RBMS3: variants seen among roughly 807,000 people sequenced by gnomAD.
RBMS3 encodes RNA-binding motif, single-stranded-interacting protein 3.
A neutral mutation model predicts 66.8 loss-of-function variants in RBMS3; 27 were observed. The observed-to-expected ratio is 0.40, with a 90% CI of 0.30 to 0.56. The LOEUF is 0.56. Among genes scored for constraint, RBMS3 ranks in the 20% least tolerant of loss-of-function variants. The pLI, the probability that RBMS3 is intolerant of heterozygous loss-of-function variation, is 0.40. For missense variants in RBMS3, 513 were observed against 549.5 expected, an observed-to-expected ratio of 0.93 and a Z score of 0.66; for synonymous variants, 188 against 183.0, an observed-to-expected ratio of 1.03 and a Z score of -0.22.
chr3:29,562,847 A>G (rs981402553), intron 3 of RBMS3, among the ~76,000 whole-genome samples: 3 of 152,300 alleles, frequency 2.0e-5, no homozygotes, highest in Admixed American at 1.3e-4. Flanking sequence ...AGGCAAAATT[A>G]TTGTGTGTTA....
At chr3:29,399,219 G>GTA (rs2039693849) in intron 1 of RBMS3, among the ~76,000 whole-genome samples, 1 of 145,728 alleles carries the variant, frequency 6.9e-6, no homozygotes, top group African/African-American at 2.6e-5. Flanking sequence ...GTGTGTGTGT[G>GTA]TGTATATATA....
intron 10 of RBMS3, among the ~76,000 whole-genome samples, chr3:29,917,557 A>G (rs763008130): frequency 8.5e-5 from 13 of 152,052 alleles, no homozygotes; most frequent in Non-Finnish European, 1.9e-4. Context: ...AAGAAATTAA[A>G]CTGGCCATAC....
chr3:29,650,082 C>T (rs2050087085), intron 4 of RBMS3, among the ~76,000 whole-genome samples: 1 of 152,110 alleles, frequency 6.6e-6, no homozygotes, highest in Non-Finnish European at 1.5e-5. Context: ...GAGTGGTTTA[C>T]ATTGTGTTTA....
At chr3:29,933,157 C>A (rs1310755380) in intron 10 of RBMS3, among the ~76,000 whole-genome samples, 1 of 152,164 alleles carries the variant, frequency 6.6e-6, no homozygotes, top group Non-Finnish European at 1.5e-5. Context: ...CAAAATTATG[C>A]TTAATGTGTT....
At chr3:29,310,471 T>A (rs2034304365) in intron 1 of RBMS3, among the ~76,000 whole-genome samples, 1 of 151,650 alleles carries the variant, frequency 6.6e-6, no homozygotes, top group South Asian at 2.1e-4. Context: ...ACTGAAACAC[T>A]TAAATACACT....
rs1475799178 is a variant in RBMS3 at position 30,009,022 on chromosome 3, C to CTGTT, written c.*5162_*5165dup. ...GATGAATGGCTTTCAATATTCATTT[C>CTGTT]TGTTTATTTTTGTGAGGGAAAATAA... On this transcript the variant is annotated 3_prime_UTR_variant, in exon 15 of 15. Coordinates refer to ENST00000383767, the MANE Select transcript of RBMS3 (RefSeq NM_001003793.3). The CTGTT allele has an allele frequency of 6.6e-6, 1 of 152,070 alleles. No homozygotes were observed. Among genetic ancestry groups the CTGTT allele is most frequent in the Non-Finnish European group, 1.5e-5 (1 of 67,972 alleles). The allele number at this position is 152,070 out of a possible 1,614,324, so 9.4% of individuals were successfully genotyped here.
At chr3:29,770,516 A>G (rs1350615173) in intron 6 of RBMS3, among the ~76,000 whole-genome samples, 2 of 151,940 alleles carry the variant, frequency 1.3e-5, no homozygotes, top group African/African-American at 4.8e-5. Context: ...AAGTAGTTGT[A>G]ATTTCATGGG....
intron 1 of RBMS3, among the ~76,000 whole-genome samples, chr3:29,404,432 A>G (rs1465124537): frequency 6.6e-6 from 1 of 152,114 alleles, no homozygotes; most frequent in African/African-American, 2.4e-5. Context: ...TAAGAGACAT[A>G]TGTTATAGGT....
chr3:29,592,398 C>T (rs541630092), intron 4 of RBMS3, among the ~76,000 whole-genome samples: 1 of 152,186 alleles, frequency 6.6e-6, no homozygotes, highest in South Asian at 2.1e-4. Context: ...CCAACAGACA[C>T]ATGAAAAAAT....
intron 12 of RBMS3, among the ~76,000 whole-genome samples, chr3:29,964,903 A>G (rs1696727595): frequency 6.6e-6 from 1 of 151,946 alleles, no homozygotes; most frequent in South Asian, 2.1e-4. Context: ...CCCAAAGTCA[A>G]TTATATCATT....
intron 8 of RBMS3, among the ~76,000 whole-genome samples, chr3:29,888,892 T>A (rs1013016570): frequency 7.3e-5 from 11 of 151,708 alleles, no homozygotes; most frequent in African/African-American, 2.7e-4. Context: ...TCCGTGCCAC[T>A]GGTTGAATTT....
chr3:29,875,497 T>G (rs1036080679), intron 7 of RBMS3, among the ~76,000 whole-genome samples: 1 of 152,174 alleles, frequency 6.6e-6, no homozygotes, highest in East Asian at 1.9e-4. Flanking sequence ...AAAAGGAACT[T>G]GACATACTAT....
In RBMS3 at chr3:29,747,063, G is replaced by A. The variant is rs149593076; in HGVS notation, c.557+7186G>A. 4.1e-3 allele frequency among the ~76,000 whole-genome samples: 624 copies of A among 152,228 alleles called. 14 individuals are homozygous for A. Among genetic ancestry groups the A allele is most frequent in the Admixed American group, 0.035 (530 of 15,296 alleles). ...AACACAAAGCATGTCAAGGACTATT[G>A]GAGCATCCAGAAAAGTGGGGACATT... On this transcript the variant is annotated intron_variant, in intron 5 of 14. Transcript: ENST00000383767.
intron 4 of RBMS3, among the ~76,000 whole-genome samples, chr3:29,657,140 T>G (rs1374090190): frequency 6.6e-6 from 1 of 152,220 alleles, no homozygotes; most frequent in Non-Finnish European, 1.5e-5. Context: ...GGTAGAGCTC[T>G]GCCCTAAGAA....
At chr3:29,626,225 C>T (rs909446941) in intron 4 of RBMS3, among the ~76,000 whole-genome samples, 44 of 152,134 alleles carry the variant, frequency 2.9e-4, no homozygotes, top group African/African-American at 9.9e-4. Flanking sequence ...TTAAACTCTG[C>T]GTTTGGGAGT....
chr3:29,352,848 T>C (rs2036995206), intron 1 of RBMS3, among the ~76,000 whole-genome samples: 1 of 152,028 alleles, frequency 6.6e-6, no homozygotes, highest in African/African-American at 2.4e-5. Flanking sequence ...AATATTTGTC[T>C]TTCTCTGCCA....
intron 1 of RBMS3, among the ~76,000 whole-genome samples, chr3:29,318,367 G>A (rs2034814654): frequency 6.6e-6 from 1 of 151,880 alleles, no homozygotes; most frequent in African/African-American, 2.4e-5. Context: ...TCACAAAGAT[G>A]CAGAAGCCCT....
chr3:29,430,223 A>G (rs1421507337), intron 1 of RBMS3, among the ~76,000 whole-genome samples: 1 of 152,192 alleles, frequency 6.6e-6, no homozygotes, highest in African/African-American at 2.4e-5. Flanking sequence ...CAGATAAATG[A>G]AATACTAAAG....
chr3:29,909,923 C>A (rs1196411477), intron 10 of RBMS3, among the ~76,000 whole-genome samples: 1 of 152,050 alleles, frequency 6.6e-6, no homozygotes. Flanking sequence ...CTGGACATGA[C>A]ACAATTGACA....
Sources: allele counts gnomAD v4.1 joint callset (sites outside exome capture counted in the v4.1 genomes callset), GRCh38; gene constraint gnomAD v4.1.1; transcripts MANE v1.5; gene names NCBI Gene and HGNC (gene_info 2026-07-23, HGNC 2026-07-21).